PRKG1: variants seen among roughly 807,000 people sequenced by gnomAD.
The protein encoded by PRKG1 is cGMP-dependent protein kinase 1.
In PRKG1, 35 loss-of-function variants were observed where a neutral mutation model predicts 88.1. The observed-to-expected ratio is 0.40, with a 90% CI of 0.30 to 0.53. The LOEUF (loss-of-function observed/expected upper bound fraction) is 0.53, where lower values mean the gene tolerates loss of function less well. Ranked by LOEUF, PRKG1 falls within the 20% of genes least tolerant of loss-of-function variation. The pLI is 0.59. For missense variants in PRKG1, 540 were observed against 839.8 expected, an observed-to-expected ratio of 0.64 and a Z score of 4.41; for synonymous variants, 303 against 292.5, an observed-to-expected ratio of 1.04 and a Z score of -0.37.
intron 4 of PRKG1, among the ~76,000 whole-genome samples, chr10:51,863,529 T>TC (rs1226329054): frequency 6.6e-6 from 1 of 152,088 alleles, no homozygotes; most frequent in African/African-American, 2.4e-5. Flanking sequence ...TATGAATGTG[T>TC]CCCCCCAAAA....
intron 3 of PRKG1, among the ~76,000 whole-genome samples, chr10:51,648,340 T>G (rs952696918): frequency 1.3e-5 from 2 of 152,232 alleles, no homozygotes; most frequent in African/African-American, 4.8e-5. Flanking sequence ...CAGAATTATT[T>G]TGAACAGACT....
intron 3 of PRKG1, among the ~76,000 whole-genome samples, chr10:51,684,749 C>T (rs946080638): frequency 6.6e-6 from 1 of 151,908 alleles, no homozygotes; most frequent in Non-Finnish European, 1.5e-5. Flanking sequence ...TGCCTGTGGC[C>T]CCAGCTACTC....
At chr10:51,263,291 C>G (rs1839759809) in intron 2 of PRKG1, among the ~76,000 whole-genome samples, 1 of 152,218 alleles carries the variant, frequency 6.6e-6, no homozygotes, top group Non-Finnish European at 1.5e-5. Flanking sequence ...ATTTTCAAGT[C>G]TCTTTGTTTC....
intron 1 of PRKG1, among the ~76,000 whole-genome samples, chr10:51,007,991 A>G (rs1463480888): frequency 2.6e-5 from 4 of 152,158 alleles, no homozygotes; most frequent in African/African-American, 7.2e-5. Context: ...AAACACATCA[A>G]GTGACTCATC....
chr10:52,185,731 C>T (rs1839183143), intron 9 of PRKG1, among the ~76,000 whole-genome samples: 1 of 152,224 alleles, frequency 6.6e-6, no homozygotes, highest in East Asian at 1.9e-4. Context: ...GCTGCCAAGC[C>T]TCTTTTACTC....
chr10:52,028,309 A>G (rs1317038069), intron 5 of PRKG1, among the ~76,000 whole-genome samples: 5 of 152,142 alleles, frequency 3.3e-5, no homozygotes, highest in African/African-American at 1.2e-4. Context: ...TGATCACTGC[A>G]CGCATTTTGA....
chr10:51,780,351 C>T (rs1008932294), intron 3 of PRKG1, among the ~76,000 whole-genome samples: 7 of 152,042 alleles, frequency 4.6e-5, no homozygotes, highest in African/African-American at 1.7e-4. Flanking sequence ...GAACCTTCAA[C>T]AAACTGGAAT....
intron 2 of PRKG1, among the ~76,000 whole-genome samples, chr10:51,173,967 C>T (rs974535555): frequency 2.0e-5 from 3 of 151,738 alleles, no homozygotes; most frequent in Non-Finnish European, 3.0e-5. Flanking sequence ...GAACTGGTTA[C>T]GACTTCTGTT....
chr10:51,675,388 T>C (rs1840684536), intron 3 of PRKG1, among the ~76,000 whole-genome samples: 1 of 152,180 alleles, frequency 6.6e-6, no homozygotes, highest in Non-Finnish European at 1.5e-5. Flanking sequence ...GAAAGACTGA[T>C]TCTGCAAATA....
chr10:51,451,868 A>G (rs1839447241), intron 2 of PRKG1, among the ~76,000 whole-genome samples: 3 of 151,360 alleles, frequency 2.0e-5, no homozygotes, highest in African/African-American at 7.3e-5. Flanking sequence ...AGTTGGTGAA[A>G]CATGTGTTAT....
chr10:51,854,003 G>T (rs986686831), intron 4 of PRKG1, among the ~76,000 whole-genome samples: 1 of 151,958 alleles, frequency 6.6e-6, no homozygotes, highest in East Asian at 1.9e-4. Context: ...AACAGCAATT[G>T]TTTCTACTAA....
chr10:51,560,421 T>C (rs1170962084), intron 3 of PRKG1, among the ~76,000 whole-genome samples: 1 of 152,156 alleles, frequency 6.6e-6, no homozygotes, highest in Non-Finnish European at 1.5e-5. Flanking sequence ...TATTCTAAAT[T>C]CTTCCTGGCA....
intron 4 of PRKG1, among the ~76,000 whole-genome samples, chr10:51,845,180 A>G (rs963973213): frequency 1.3e-5 from 2 of 152,106 alleles, no homozygotes; most frequent in African/African-American, 4.8e-5. Flanking sequence ...GCTTTCCCCA[A>G]GATAACGTAT....
chr10:52,091,296 C>T (rs900116721), intron 7 of PRKG1, among the ~76,000 whole-genome samples: 2 of 152,126 alleles, frequency 1.3e-5, no homozygotes, highest in African/African-American at 2.4e-5. Flanking sequence ...TCTTTCTTCC[C>T]TTCTTCTACT....
chr10:51,743,768 A>C, intron 3 of PRKG1, among the ~76,000 whole-genome samples: 1 of 124,792 alleles, frequency 8.0e-6, no homozygotes, highest in Non-Finnish European at 1.7e-5. Context: ...ATATATATTT[A>C]GTTGCCTATT....
At chr10:51,549,572 A>G (rs1364900330) in intron 3 of PRKG1, among the ~76,000 whole-genome samples, 1 of 152,152 alleles carries the variant, frequency 6.6e-6, no homozygotes, top group Non-Finnish European at 1.5e-5. Context: ...GTAGATTACA[A>G]TGTCCTTATA....
At chr10:52,284,878 G>A (rs1321291166) in intron 14 of PRKG1, among the ~76,000 whole-genome samples, 1 of 152,062 alleles carries the variant, frequency 6.6e-6, no homozygotes, top group African/African-American at 2.4e-5. Context: ...AGTGATTAAT[G>A]ATTTCAGAGA....
In PRKG1 at chr10:51,392,662, G is replaced by T. The variant is rs1421773218; in HGVS notation, c.479-75061G>T. Among the ~76,000 whole-genome samples the T allele has an allele frequency of 6.6e-5, 10 of 151,820 alleles. No individual in the cohort carries two copies. The South Asian group carries it at 1.7e-3, about 25-fold the overall frequency. ...AGCTGTTGGGTACACCTCCCAGACG[G>T]GGTGGTGGCTGGGCAGAGGGGCTCC... On this transcript the variant is annotated intron_variant, in intron 2 of 17. Transcript: ENST00000373980.
chr10:51,361,849 C>A (rs1842487599), intron 2 of PRKG1, among the ~76,000 whole-genome samples: 1 of 151,806 alleles, frequency 6.6e-6, no homozygotes, highest in African/African-American at 2.4e-5. Flanking sequence ...TTCATTAATT[C>A]TAATCAATCT....
Sources: gnomAD v4.1 joint callset for allele counts (sites outside exome capture counted in the v4.1 genomes callset) on GRCh38, gnomAD v4.1.1 for gene constraint, MANE v1.5 for transcripts, NCBI Gene and HGNC (gene_info 2026-07-23, HGNC 2026-07-21) for gene names.